Variants in CADM2 observed in about 807,000 individuals in gnomAD.
CADM2 encodes the protein cell adhesion molecule 2.
A neutral mutation model predicts 49.8 loss-of-function variants in CADM2; 12 were observed. The ratio of observed to expected loss-of-function variants is 0.24; its 90% CI spans 0.15 to 0.39. The LOEUF (loss-of-function observed/expected upper bound fraction) is 0.39, where lower values mean the gene tolerates loss of function less well. Ranked by LOEUF, CADM2 falls within the 10% of genes least tolerant of loss-of-function variation. CADM2 has a pLI of 1.00. For missense variants in CADM2, 378 were observed against 492.3 expected, an observed-to-expected ratio of 0.77 and a Z score of 2.20; for synonymous variants, 214 against 175.4, an observed-to-expected ratio of 1.22 and a Z score of -1.74.
At chr3:85,795,002 A>G (rs2071540112) in intron 2 of CADM2, among the ~76,000 whole-genome samples, 1 of 152,098 alleles carries the variant, frequency 6.6e-6, no homozygotes, top group Admixed American at 6.6e-5. Flanking sequence ...TTTTTGGGGT[A>G]CAATGTGATT....
chr3:85,705,740 C>A (rs1459671428), intron 1 of CADM2, among the ~76,000 whole-genome samples: 6 of 152,090 alleles, frequency 3.9e-5, no homozygotes, highest in African/African-American at 1.4e-4. Flanking sequence ...GCTTAGAAGT[C>A]CAGTGGTGAC....
chr3:85,030,753 CACG>C, intron 1 of CADM2, among the ~76,000 whole-genome samples: 1 of 152,276 alleles, frequency 6.6e-6, no homozygotes, highest in South Asian at 2.1e-4. Context: ...TCTTGGCGTA[CACG>C]AGTCCTCCAT....
intron 8 of CADM2, chr3:86,014,903 G>C: frequency 6.5e-7 from 1 of 1,531,840 alleles, no homozygotes. Flanking sequence ...TTCTTCCTGT[G>C]ATGACGGTTG....
chr3:85,268,281 A>T (rs1414107289), intron 1 of CADM2, among the ~76,000 whole-genome samples: 1 of 151,500 alleles, frequency 6.6e-6, no homozygotes, highest in Non-Finnish European at 1.5e-5. Flanking sequence ...ATTCATTCCT[A>T]TGAATACAAA....
At chr3:85,479,216 G>A (rs1048603143) in intron 1 of CADM2, among the ~76,000 whole-genome samples, 1 of 151,826 alleles carries the variant, frequency 6.6e-6, no homozygotes, top group East Asian at 1.9e-4. Context: ...GAGTACCAGG[G>A]TACAATACAA....
At chr3:85,763,218 A>G (rs1216207004) in intron 2 of CADM2, among the ~76,000 whole-genome samples, 8 of 152,178 alleles carry the variant, frequency 5.3e-5, no homozygotes, top group Non-Finnish European at 5.9e-5. Context: ...CCTCTGTTCT[A>G]TATATAAAAA....
chr3:85,986,898 T>C (rs1352759828), intron 8 of CADM2, among the ~76,000 whole-genome samples: 1 of 152,066 alleles, frequency 6.6e-6, no homozygotes, highest in Non-Finnish European at 1.5e-5. Flanking sequence ...GATTTTTAGT[T>C]AGCCATGGAC....
At chr3:85,980,272 T>G (rs1727314922) in intron 8 of CADM2, among the ~76,000 whole-genome samples, 1 of 151,506 alleles carries the variant, frequency 6.6e-6, no homozygotes, top group Admixed American at 6.6e-5. Context: ...AGGTTATGTT[T>G]AGCATTATTA....
At chr3:85,717,900 T>G (rs2107757044) in intron 1 of CADM2, among the ~76,000 whole-genome samples, 1 of 152,244 alleles carries the variant, frequency 6.6e-6, no homozygotes, top group Admixed American at 6.5e-5. Context: ...CCCAAGTATC[T>G]GGAATTACAG....
intron 1 of CADM2, among the ~76,000 whole-genome samples, chr3:85,214,945 A>G (rs2041884508): frequency 6.6e-6 from 1 of 151,860 alleles, no homozygotes; most frequent in Non-Finnish European, 1.5e-5. Context: ...TTGGTGCTCT[A>G]CCCCACTGTG....
chr3:85,820,199 AGTGATCAAAG>A (rs1369951399), intron 3 of CADM2, among the ~76,000 whole-genome samples: 1 of 152,100 alleles, frequency 6.6e-6, no homozygotes, highest in African/African-American at 2.4e-5. Flanking sequence ...GGATGAGGAG[AGTGATCAAAG>A]GGGCCTTGTC....
At chr3:85,649,471 A>G (rs1190755108) in intron 1 of CADM2, among the ~76,000 whole-genome samples, 1 of 152,198 alleles carries the variant, frequency 6.6e-6, no homozygotes, top group East Asian at 1.9e-4. Context: ...TTTGAAATCG[A>G]TAAAGAAAAC....
At chr3:85,407,501 C>G (rs1471566315) in intron 1 of CADM2, among the ~76,000 whole-genome samples, 5 of 152,138 alleles carry the variant, frequency 3.3e-5, no homozygotes, top group Non-Finnish European at 5.9e-5. Flanking sequence ...CTATTAAACC[C>G]TTCTTCAGCT....
At chr3:85,541,642 G>GA (rs1356572819) in intron 1 of CADM2, among the ~76,000 whole-genome samples, 16 of 141,646 alleles carry the variant, frequency 1.1e-4, no homozygotes, top group East Asian at 4.1e-4. Context: ...CAATTACAAT[G>GA]AAAAAAAAAG....
intron 1 of CADM2, among the ~76,000 whole-genome samples, chr3:85,602,679 T>C (rs761777213): frequency 6.6e-6 from 1 of 151,726 alleles, no homozygotes; most frequent in Non-Finnish European, 1.5e-5. Context: ...TTAATCTAAG[T>C]TCAAAATATA....
In CADM2 at chr3:85,136,134, C is replaced by T. The variant is rs6800416; in HGVS notation, c.61+176466C>T. Reference sequence around the variant, plus strand: ...ACTGAAATGTTGTTTTACACTATTTCGATTTCCCTCATCATCACTTTTCAT... The same window carrying T: ...ACTGAAATGTTGTTTTACACTATTTTGATTTCCCTCATCATCACTTTTCAT... On this transcript the variant is annotated intron_variant, in intron 1 of 9. Coordinates refer to ENST00000383699, the MANE Select transcript of CADM2 (RefSeq NM_001167675.2). Among the ~76,000 whole-genome samples the T allele has an allele frequency of 4.7e-3, 721 of 151,996 alleles. 6 individuals are homozygous for T. The highest frequency in any genetic ancestry group is 0.017 in the African/African-American group (697 of 41,506).
chr3:85,971,497 T>G (rs1276019283), intron 8 of CADM2, among the ~76,000 whole-genome samples: 1 of 151,726 alleles, frequency 6.6e-6, no homozygotes, highest in Non-Finnish European at 1.5e-5. Context: ...TCAGTATTTT[T>G]CTACTATATC....
chr3:85,463,849 A>G (rs1190753961), intron 1 of CADM2, among the ~76,000 whole-genome samples: 1 of 152,186 alleles, frequency 6.6e-6, no homozygotes. Context: ...GACAAAGGAC[A>G]TAGCAAGTTT....
intron 1 of CADM2, among the ~76,000 whole-genome samples, chr3:85,085,867 C>T (rs767142628): frequency 5.3e-5 from 8 of 152,018 alleles, no homozygotes; most frequent in Non-Finnish European, 1.0e-4. Flanking sequence ...TGCCTATGAG[C>T]AGCACATTTG....
Sources: allele counts gnomAD v4.1 joint callset (sites outside exome capture counted in the v4.1 genomes callset), GRCh38; gene constraint gnomAD v4.1.1; transcripts MANE v1.5; gene names NCBI Gene and HGNC (gene_info 2026-07-23, HGNC 2026-07-21).